Variants in KIF19 observed in about 807,000 individuals in gnomAD.
The protein encoded by KIF19 is kinesin family member 19.
In KIF19, 98 loss-of-function variants were observed where a neutral mutation model predicts 106.6. The ratio of observed to expected loss-of-function variants is 0.92; its 90% CI spans 0.78 to 1.09. The LOEUF (loss-of-function observed/expected upper bound fraction) is 1.09, where lower values mean the gene tolerates loss of function less well. Among genes scored for constraint, KIF19 ranks in the 50% least tolerant of loss-of-function variants. KIF19 has a pLI of 0.00. For missense variants in KIF19, 1,373 were observed against 1,414.3 expected (o/e 0.97, Z 0.47); for synonymous variants, 516 against 584.2 (o/e 0.88, Z 1.68).
In KIF19 at chr17:74,355,319, C is replaced by G; in HGVS notation, c.*7C>G. On this transcript the variant is annotated 3_prime_UTR_variant, in exon 20 of 20. Coordinates refer to ENST00000389916, the MANE Select transcript of KIF19 (RefSeq NM_153209.4). ...ATGCTCCCGGCATAACTGAGGGGCC[C>G]TGCCTGGAACTGGCTCTCTCACCTC... The G allele has an allele frequency of 6.3e-7, 1 of 1,599,682 alleles. No homozygotes were observed. Among genetic ancestry groups the G allele is most frequent in the East Asian group, 2.2e-5 (1 of 44,608 alleles).
At chr17:74,349,819 G>A (rs1026903227) in intron 10 of KIF19, among the ~76,000 whole-genome samples, 7 of 147,326 alleles carry the variant, frequency 4.8e-5, no homozygotes, top group South Asian at 2.1e-4. Flanking sequence ...TTTTTTTTGA[G>A]ACAGAGTCTT....
chr17:74,344,030 A>C (rs1415502232), intron 5 of KIF19, among the ~76,000 whole-genome samples, 193 bp from the exon 6 acceptor site: 2 of 152,152 alleles, frequency 1.3e-5, no homozygotes, highest in African/African-American at 2.4e-5. Flanking sequence ...TTTCCTGTGG[A>C]TGCTGAAGCC....
intron 2 of KIF19, among the ~76,000 whole-genome samples, chr17:74,332,279 T>G (rs1343399043): frequency 6.6e-6 from 1 of 150,770 alleles, no homozygotes; most frequent in Non-Finnish European, 1.5e-5. Context: ...CATGTCTTAG[T>G]AGCTCCTGGG....
intron 3 of KIF19, 53 bp downstream of exon 3, chr17:74,342,039 C>A: frequency 2.1e-6 from 3 of 1,407,472 alleles, no homozygotes; most frequent in Non-Finnish European, 2.0e-6. Flanking sequence ...CCACCCTTAG[C>A]CCCACTCAGG....
At position 74,347,812 on chromosome 17, in the gene KIF19, C is replaced by A. The variant is rs766695819; in HGVS notation, c.960C>A (p.Ile320=). ...SLGGNSRTVM[I]AHISPASSAF... is the part of the protein sequence containing the mutation. ...GAGGAAACAGCCGCACAGTGATGAT[C>A]GCTCACATCAGTCCTGCGAGCAGTG... Residue 320 remains isoleucine, a synonymous_variant, in exon 9 of 20, where the codon ATC becomes ATA. Transcript: ENST00000389916. 5.7e-6 allele frequency: 9 copies of A among 1,588,546 alleles called. No individual in the cohort carries two copies. The South Asian group carries it at 1.0e-4, about 18-fold the overall frequency.
chr17:74,351,095 A>C (rs1270206032), intron 12 of KIF19, 190 bp downstream of exon 12: 1 of 631,858 alleles, frequency 1.6e-6, no homozygotes, highest in East Asian at 2.8e-5. Flanking sequence ...AAATGGGAGC[A>C]GTCCATGGTG....
chr17:74,326,295 G>A lies in KIF19; in HGVS notation c.-55G>A. The A allele has an allele frequency of 6.4e-7, 1 of 1,558,644 alleles. No individual in the cohort carries two copies. The highest frequency in any genetic ancestry group is 8.7e-7 in the Non-Finnish European group (1 of 1,151,020). On this transcript the variant is annotated 5_prime_UTR_variant, in exon 1 of 20. The change creates a new upstream start codon in the 5' untranslated region. Coordinates refer to ENST00000389916, the MANE Select transcript of KIF19 (RefSeq NM_153209.4). ...CGGACGCGACCCGGAGGCGGTGGGG[G>A]TGCGGCTGAGCCATGCCCGGTGGCG... is the stretch of plus-strand genomic sequence containing the variant.
In KIF19 at chr17:74,354,230, C is replaced by G. The variant is rs758525276; in HGVS notation, c.2377C>G (p.Leu793Val). The G allele has an allele frequency of 6.8e-6, 11 of 1,608,810 alleles. No homozygotes were observed. The highest frequency in any genetic ancestry group is 9.3e-6 in the Non-Finnish European group (11 of 1,179,432). ...GGCCGCCCGGCGGCGCTCGCGGGCC[C>G]TGGGAACCGAGGGGCGACACCTGCT... The part of the protein sequence containing the change: ...VKAARRRSRA[L>V]GTEGRHLLAP... Residue 793 changes from leucine to valine, a missense_variant, in exon 18 of 20, where the codon CTG becomes GTG. Leu to Val is a conservative substitution (Grantham distance 32). Transcript: ENST00000389916.
intron 9 of KIF19, 76 bp from the exon 10 acceptor site, chr17:74,349,108 A>G (rs1462729597): frequency 6.7e-7 from 1 of 1,495,676 alleles, no homozygotes; most frequent in Non-Finnish European, 9.2e-7. Flanking sequence ...AGGGGGAAGA[A>G]AGGCCCTGCA....
In KIF19 at chr17:74,331,367, C is replaced by T. The variant is rs999547193; in HGVS notation, c.120+2862C>T. 2.4e-5 allele frequency among the ~76,000 whole-genome samples: 3 copies of T among 124,420 alleles called. No individual in the cohort carries two copies. The highest frequency in any genetic ancestry group is 5.7e-5 in the Non-Finnish European group (3 of 52,638). 81.6% of individuals were successfully genotyped at this position (124,420 alleles called of 152,430 possible). A position where few individuals can be genotyped will look rare whatever the true frequency, so the allele number is the denominator to read the frequency against. ...TTCGTCCTGAGTGGGGAGAGGTGGA[C>T]CGGGGACACAGTAACCCGCTGGGCT... On this transcript the variant is annotated intron_variant, in intron 2 of 19. Coordinates refer to ENST00000389916, the MANE Select transcript of KIF19 (RefSeq NM_153209.4). The surrounding 1 kb of genome is among the most constrained non-coding windows in gnomAD (Gnocchi z 4.1).
chr17:74,355,721 A>G lies in KIF19; in HGVS notation c.*409A>G. ...CGCCGACAGGCACTTCACGTATTAC[A>G]ATTGGGGATGTGGGTGAGGGAGGGA... On this transcript the variant is annotated 3_prime_UTR_variant, in exon 20 of 20. Coordinates refer to ENST00000389916, the MANE Select transcript of KIF19 (RefSeq NM_153209.4). 6.1e-6 allele frequency: 1 copy of G among 163,722 alleles called. No individual in the cohort carries two copies. 10.1% of individuals were successfully genotyped at this position (163,722 alleles called of 1,614,324 possible).
chr17:74,352,671 A>C (rs1814832), intron 14 of KIF19, 150 bp from the exon 15 acceptor site: 851,349 of 947,412 alleles, frequency 0.9, 384,117 homozygotes, highest in Admixed American at 0.93. Context: ...CCACAGCTTA[A>C]CCCCGAGGAC....
In KIF19 at chr17:74,352,186, G is replaced by A. The variant is rs752262398; in HGVS notation, c.1859-33G>A. ...CTGAGCCACCCGCGGGGGGGCCGCT[G>A]GCACTCACTGAGCCCTGCCCCTTCC... On this transcript the variant is annotated intron_variant, in intron 13 of 19. Coordinates refer to ENST00000389916, the MANE Select transcript of KIF19 (RefSeq NM_153209.4). The A allele has an allele frequency of 3.3e-5, 53 of 1,592,730 alleles. No individual in the cohort carries two copies. In the African/African-American group the frequency reaches 6.9e-4, roughly 21 times the overall value.
At chr17:74,341,104 G>C (rs2054360425) in intron 2 of KIF19, among the ~76,000 whole-genome samples, 1 of 152,180 alleles carries the variant, frequency 6.6e-6, no homozygotes, top group South Asian at 2.1e-4. Flanking sequence ...GGAGGCCGAG[G>C]CTGGCGGGTC....
Position 74,346,259 on chromosome 17 carries a change from C to G in KIF19, c.778-119C>G. ...AGTGGCCTTGGCAGGAGGACGGCCACAAGGTCCTTGGGGGTTTATTACCCA... is the reference window on the plus strand; with the variant it reads ...AGTGGCCTTGGCAGGAGGACGGCCAGAAGGTCCTTGGGGGTTTATTACCCA... On this transcript the variant is annotated intron_variant, in intron 7 of 19. Transcript: ENST00000389916. This position sits in a 1 kb window ranked among gnomAD's most constrained non-coding sequence, Gnocchi z 4.6. 1 of 1,187,990 alleles carries G rather than the reference C, an allele frequency of 8.4e-7. No individual in the cohort carries two copies. The highest frequency in any genetic ancestry group is 1.2e-6 in the Non-Finnish European group (1 of 856,572). 73.6% of individuals were successfully genotyped at this position (1,187,990 alleles called of 1,614,324 possible).
chr17:74,352,340 G>A lies in KIF19; in HGVS notation c.1980G>A (p.Gln660=), dbSNP rs1460075212. 1 of 1,605,734 alleles carries A rather than the reference G, an allele frequency of 6.2e-7. No homozygotes were observed. Residue 660 remains glutamine, a splice_region_variant and synonymous_variant, in exon 14 of 20, where the codon CAG becomes CAA. Coordinates refer to ENST00000389916, the MANE Select transcript of KIF19 (RefSeq NM_153209.4). ...ACCAAGTGGCCTCCAGGGCCCTGCA[G>A]GTGGGTGGGCGCCTGGGCGGCCTGA... ...IMDQVASRAL[Q]DSSLPKITPA...
chr17:74,337,165 C>G (rs1371500797), intron 2 of KIF19, among the ~76,000 whole-genome samples: 1 of 152,198 alleles, frequency 6.6e-6, no homozygotes, highest in Non-Finnish European at 1.5e-5. Flanking sequence ...TCAGGGAAAA[C>G]ACACGCCAAG....
chr17:74,332,523 T>A (rs940146514), intron 2 of KIF19, among the ~76,000 whole-genome samples: 1 of 152,100 alleles, frequency 6.6e-6, no homozygotes, highest in Admixed American at 6.5e-5. Flanking sequence ...AGGCTGTTTG[T>A]CTGCAGGAGT....
intron 1 of KIF19, among the ~76,000 whole-genome samples, chr17:74,326,960 C>G (rs2053930727): frequency 6.6e-6 from 1 of 152,174 alleles, no homozygotes; most frequent in Admixed American, 6.5e-5. Context: ...CCACAGAGCC[C>G]TGGGGCCTGG....
Sources: allele counts gnomAD v4.1 joint callset (sites outside exome capture counted in the v4.1 genomes callset), GRCh38; gene constraint gnomAD v4.1.1; non-coding constraint Gnocchi (gnomAD v3.1); transcripts MANE v1.5; gene names NCBI Gene and HGNC (gene_info 2026-07-23, HGNC 2026-07-21).